ZFAT: variants seen among roughly 807,000 people sequenced by gnomAD.
ZFAT encodes the protein zinc finger and AT-hook domain containing, also known as zinc finger protein ZFAT.
Under a neutral mutation model 117.7 loss-of-function variants are expected in ZFAT, and 64 were observed. The observed-to-expected ratio is 0.54, with a 90% CI of 0.44 to 0.67. ZFAT has a LOEUF of 0.67. ZFAT is among the 30% of genes least tolerant of loss of function. ZFAT has a pLI of 0.00. For missense variants in ZFAT, 1,433 were observed against 1,584.5 expected (o/e 0.90, Z 1.62); for synonymous variants, 679 against 615.0 (o/e 1.10, Z -1.54).
chr8:134,548,310 C>T (rs1822855540), intron 11 of ZFAT, among the ~76,000 whole-genome samples: 1 of 152,146 alleles, frequency 6.6e-6, no homozygotes, highest in African/African-American at 2.4e-5. Flanking sequence ...GCATTTGAGC[C>T]AAGACCTGAA....
intron 2 of ZFAT, among the ~76,000 whole-genome samples, chr8:134,653,110 G>A (rs1831348502): frequency 6.6e-6 from 1 of 150,622 alleles, no homozygotes; most frequent in African/African-American, 2.4e-5. Context: ...ATACAGTATT[G>A]TGTACTTAAC....
intron 1 of ZFAT, among the ~76,000 whole-genome samples, chr8:134,677,731 C>T (rs1832873361): frequency 6.6e-6 from 1 of 152,334 alleles, no homozygotes; most frequent in South Asian, 2.1e-4. Flanking sequence ...TCCAGCAGCA[C>T]ATCAAAAAGC....
intron 1 of ZFAT, among the ~76,000 whole-genome samples, chr8:134,667,004 G>A (rs1299454607): frequency 6.6e-6 from 1 of 152,162 alleles, no homozygotes; most frequent in Non-Finnish European, 1.5e-5. Flanking sequence ...GATGAAGGTG[G>A]AAACCATCAT....
intron 11 of ZFAT, among the ~76,000 whole-genome samples, chr8:134,561,131 G>A (rs1295774363): frequency 6.6e-6 from 1 of 152,146 alleles, no homozygotes; most frequent in Non-Finnish European, 1.5e-5. Flanking sequence ...TCCACTGCAG[G>A]GTTACTTATA....
chr8:134,579,338 T>A (rs1004822053), intron 10 of ZFAT, among the ~76,000 whole-genome samples: 3 of 152,182 alleles, frequency 2.0e-5, no homozygotes, highest in Non-Finnish European at 4.4e-5. Flanking sequence ...GATTCACAGT[T>A]CCATGTAGCT....
intron 15 of ZFAT, among the ~76,000 whole-genome samples, chr8:134,486,072 C>T (rs1817634195): frequency 6.6e-6 from 1 of 152,200 alleles, no homozygotes; most frequent in African/African-American, 2.4e-5. Flanking sequence ...GCTCTCAACA[C>T]ATAAATAAGT....
chr8:134,547,746 C>A (rs1443297556), intron 11 of ZFAT, among the ~76,000 whole-genome samples: 1 of 152,166 alleles, frequency 6.6e-6, no homozygotes, highest in Admixed American at 6.5e-5. Flanking sequence ...CTGCTCTTTG[C>A]TAAGAGGAGG....
intron 1 of ZFAT, among the ~76,000 whole-genome samples, chr8:134,667,964 C>T (rs1471337137): frequency 1.3e-5 from 2 of 152,140 alleles, no homozygotes; most frequent in Non-Finnish European, 2.9e-5. Flanking sequence ...GATTATATCC[C>T]GCGCATGGCT....
the ZFAT span, among the ~76,000 whole-genome samples, chr8:134,788,413 G>C: frequency 1.1e-4 from 17 of 152,052 alleles, no homozygotes; most frequent in African/African-American, 4.1e-4. Context: ...GAGTAGTTGC[G>C]GGTTTCTCTA....
chr8:134,745,466 G>A, the ZFAT span, among the ~76,000 whole-genome samples: 1 of 152,116 alleles, frequency 6.6e-6, no homozygotes, highest in Admixed American at 6.5e-5. Context: ...AGGTGGGAGA[G>A]GTAATGGTCA....
chr8:134,831,455 G>A, the ZFAT span, among the ~76,000 whole-genome samples: 1 of 152,126 alleles, frequency 6.6e-6, no homozygotes, highest in African/African-American at 2.4e-5. Context: ...CTACACACAG[G>A]CGGATTCGTT....
At chr8:134,717,809 C>T (rs1422812853), upstream of ZFAT, among the ~76,000 whole-genome samples, 1 of 152,016 alleles carries the variant, frequency 6.6e-6, no homozygotes, top group Non-Finnish European at 1.5e-5. Flanking sequence ...GGCCTCCTGC[C>T]TCAGACTCTC....
the ZFAT span, among the ~76,000 whole-genome samples, chr8:134,735,615 C>T: frequency 6.6e-6 from 1 of 152,140 alleles, no homozygotes; most frequent in Non-Finnish European, 1.5e-5. Context: ...CATTGGGACT[C>T]CTCTGATACC....
At chr8:134,656,294 A>G (rs2131197939) in intron 2 of ZFAT, among the ~76,000 whole-genome samples, 1 of 151,376 alleles carries the variant, frequency 6.6e-6, no homozygotes, top group East Asian at 1.9e-4. Context: ...TTTCCTCCTC[A>G]CTCCTGCTTC....
the ZFAT span, among the ~76,000 whole-genome samples, chr8:134,819,908 T>A: frequency 6.6e-6 from 1 of 151,840 alleles, no homozygotes; most frequent in Non-Finnish European, 1.5e-5. Context: ...CCAGCCAAGG[T>A]TTTGTTTCTT....
Position 134,650,127 on chromosome 8 carries a change from C to CT in ZFAT, c.196+7433dup, listed in dbSNP as rs746564611. ...ACCTCTTTTCTTTTTTATTTTTTTT[C>CT]TTTTTTTTTTTTTGAGACAGAGTCT... On this transcript the variant is annotated intron_variant, in intron 2 of 15. Coordinates refer to ENST00000377838, the MANE Select transcript of ZFAT (RefSeq NM_020863.4). Among the ~76,000 whole-genome samples, 264 of 143,820 alleles carry CT rather than the reference C, an allele frequency of 1.8e-3. 2 individuals carry two copies. Among genetic ancestry groups the CT allele is most frequent in the South Asian group, 7.4e-3 (33 of 4,478 alleles). 94.4% of individuals were successfully genotyped at this position (143,820 alleles called of 152,430 possible). A position where few individuals can be genotyped will look rare whatever the true frequency, so the allele number is the denominator to read the frequency against.
chr8:134,493,913 G>A (rs1818238693), intron 15 of ZFAT, among the ~76,000 whole-genome samples: 1 of 152,226 alleles, frequency 6.6e-6, no homozygotes, highest in South Asian at 2.1e-4. Context: ...TTTCAAAGCT[G>A]TGCTAAAACA....
At chr8:134,480,774 G>A (rs1817247143) in intron 15 of ZFAT, among the ~76,000 whole-genome samples, 2 of 152,202 alleles carry the variant, frequency 1.3e-5, no homozygotes, top group South Asian at 4.1e-4. Context: ...AATTGGCATT[G>A]GGTGGCCTTC....
chr8:134,710,240 T>G (rs1813938877), intron 1 of ZFAT, among the ~76,000 whole-genome samples: 1 of 152,174 alleles, frequency 6.6e-6, no homozygotes, highest in Admixed American at 6.5e-5. Flanking sequence ...CATGTCAAAC[T>G]CTAACAAAAT....
Sources: allele counts gnomAD v4.1 joint callset (sites outside exome capture counted in the v4.1 genomes callset), GRCh38; gene constraint gnomAD v4.1.1; transcripts MANE v1.5; gene names NCBI Gene and HGNC (gene_info 2026-07-23, HGNC 2026-07-21).